Variants in MPP7 observed in about 807,000 individuals in gnomAD.
The protein encoded by MPP7 is MAGUK p55 scaffold protein 7, also known as MAGUK p55 subfamily member 7.
MPP7 carries 60 observed loss-of-function variants against 76.5 expected under a neutral mutation model. That is an observed-to-expected ratio of 0.78 (90% CI 0.64 to 0.97). MPP7 has a LOEUF of 0.97. Among genes scored for constraint, MPP7 ranks in the 50% least tolerant of loss-of-function variants. The pLI is 0.00. For synonymous variants in MPP7, 237 were observed against 244.5 expected (o/e 0.97, Z 0.29); for missense variants, 641 against 694.0 (o/e 0.92, Z 0.86).
chr10:28,306,870 C>T (rs1317870202), upstream of MPP7, among the ~76,000 whole-genome samples: 1 of 152,110 alleles, frequency 6.6e-6, no homozygotes, highest in Non-Finnish European at 1.5e-5. Context: ...GAATTTTTTT[C>T]CATAGCAGGT....
At chr10:28,191,018 A>G (rs757235259) in intron 3 of MPP7, among the ~76,000 whole-genome samples, 1 of 152,170 alleles carries the variant, frequency 6.6e-6, no homozygotes, top group Non-Finnish European at 1.5e-5. Flanking sequence ...TATGCCCTCA[A>G]ATTTGATAAG....
chr10:28,252,462 T>G (rs919805727), intron 1 of MPP7, among the ~76,000 whole-genome samples: 1 of 152,322 alleles, frequency 6.6e-6, no homozygotes, highest in South Asian at 2.1e-4. Flanking sequence ...CCACAGTACA[T>G]AGGCATTTAT....
At chr10:28,334,784 G>T (rs1834501209), upstream of MPP7, among the ~76,000 whole-genome samples, 1 of 152,156 alleles carries the variant, frequency 6.6e-6, no homozygotes, top group Admixed American at 6.5e-5. Flanking sequence ...GGTTTAGGAA[G>T]ACAGACTCAT....
intron 1 of MPP7, among the ~76,000 whole-genome samples, chr10:28,247,106 C>T (rs1472348078): frequency 6.6e-6 from 1 of 152,146 alleles, no homozygotes; most frequent in Non-Finnish European, 1.5e-5. Flanking sequence ...AAATCATTCA[C>T]TCTAAGTATT....
At chr10:28,127,029 G>A (rs565520702) in intron 6 of MPP7, among the ~76,000 whole-genome samples, 1 of 152,284 alleles carries the variant, frequency 6.6e-6, no homozygotes, top group East Asian at 1.9e-4. Flanking sequence ...CTCCAAGTGA[G>A]AACCTCCCAG....
intron 3 of MPP7, among the ~76,000 whole-genome samples, chr10:28,189,458 A>G (rs1294513510): frequency 5.3e-5 from 8 of 151,478 alleles, no homozygotes; most frequent in Admixed American, 2.0e-4. Flanking sequence ...ACTTCCAGCT[A>G]CTTGGGAGGT....
intron 1 of MPP7, among the ~76,000 whole-genome samples, chr10:28,285,246 G>A (rs1396408447): frequency 3.9e-5 from 6 of 152,086 alleles, no homozygotes; most frequent in African/African-American, 1.2e-4. Flanking sequence ...GTGCAATGGC[G>A]CAATCTTGGC....
upstream of MPP7, chr10:28,303,179 C>G (rs2133163252): frequency 7.4e-6 from 1 of 135,434 alleles, no homozygotes; most frequent in Non-Finnish European, 1.6e-5. Flanking sequence ...GCGTCTCAGA[C>G]TTGAAGACGC....
chr10:28,121,384 T>A (rs1834834217), intron 8 of MPP7, among the ~76,000 whole-genome samples: 1 of 151,064 alleles, frequency 6.6e-6, no homozygotes. Flanking sequence ...TACAAATACA[T>A]GATTCAATTA....
intron 1 of MPP7, among the ~76,000 whole-genome samples, 146 bp downstream of exon 1, chr10:28,302,715 G>C (rs1481273099): frequency 6.6e-6 from 1 of 152,020 alleles, no homozygotes; most frequent in African/African-American, 2.4e-5. Context: ...CCCAGGCTGA[G>C]GCGCCTAGAG....
intron 3 of MPP7, among the ~76,000 whole-genome samples, chr10:28,160,793 GC>G (rs1836233176): frequency 6.6e-6 from 1 of 152,132 alleles, no homozygotes; most frequent in Admixed American, 6.5e-5. Context: ...ACTGGTCCAG[GC>G]TTGTGATGTG....
At chr10:28,219,542 C>T (rs1348755565) in intron 2 of MPP7, among the ~76,000 whole-genome samples, 1 of 152,028 alleles carries the variant, frequency 6.6e-6, no homozygotes, top group South Asian at 2.1e-4. Flanking sequence ...AAGCCATAAA[C>T]CTATGTTAAA....
At position 28,161,675 on chromosome 10, in the gene MPP7, G is replaced by A. The variant is rs139597054; in HGVS notation, c.157-11616C>T. ...TACCACCTCAAAGCTAAACATCCTC[G>A]ATTTCTGAAGTCTAAGTGAAAATAT... is the stretch of plus-strand genomic sequence containing the variant. On this transcript the variant is annotated intron_variant, in intron 3 of 16. Coordinates refer to ENST00000683449, the MANE Select transcript of MPP7 (RefSeq NM_001318170.2). Among the ~76,000 whole-genome samples, 505 of 152,070 alleles carry A rather than the reference G, an allele frequency of 3.3e-3. 1 individual carries two copies. Among genetic ancestry groups the A allele is most frequent in the African/African-American group, 0.011 (475 of 41,498 alleles).
chr10:28,055,098 C>T (rs994063435), intron 16 of MPP7, among the ~76,000 whole-genome samples: 1 of 152,140 alleles, frequency 6.6e-6, no homozygotes, highest in Non-Finnish European at 1.5e-5. Flanking sequence ...GAGCCAAATC[C>T]TAAGAATATG....
intron 2 of MPP7, among the ~76,000 whole-genome samples, chr10:28,209,469 C>CAA (rs34583825): frequency 7.3e-5 from 9 of 122,572 alleles, no homozygotes; most frequent in Non-Finnish European, 9.3e-5. Flanking sequence ...ATCCTATCTC[C>CAA]AAAAAAAAAA....
chr10:28,147,644 C>T (rs1835753522), intron 4 of MPP7, 81 bp from the exon 5 acceptor site: 1 of 1,205,130 alleles, frequency 8.3e-7, no homozygotes. Flanking sequence ...GAGAATCTAA[C>T]TTGCTCAAGG....
At position 28,184,805 on chromosome 10, in the gene MPP7, A is replaced by G. The variant is rs563534232; in HGVS notation, c.156+17348T>C. Reference sequence around the variant, plus strand: ...AGATATTATCTTAATATATATTAATATTACATATTAATATATTAAGGTAAA... The same window carrying G: ...AGATATTATCTTAATATATATTAATGTTACATATTAATATATTAAGGTAAA... On this transcript the variant is annotated intron_variant, in intron 3 of 16. Transcript: ENST00000683449. Among the ~76,000 whole-genome samples the G allele has an allele frequency of 5.9e-3, 863 of 145,524 alleles. 5 individuals carry two copies. Among genetic ancestry groups the G allele is most frequent in the African/African-American group, 0.02 (822 of 40,514 alleles).
chr10:28,177,734 G>C (rs1836922965), intron 3 of MPP7, among the ~76,000 whole-genome samples: 1 of 152,158 alleles, frequency 6.6e-6, no homozygotes, highest in Non-Finnish European at 1.5e-5. Flanking sequence ...GAAGACTAGA[G>C]AGTTCAAAAA....
intron 1 of MPP7, among the ~76,000 whole-genome samples, chr10:28,269,934 G>A (rs140970345): frequency 6.6e-6 from 1 of 152,172 alleles, no homozygotes; most frequent in Non-Finnish European, 1.5e-5. Context: ...AGGACAGAAA[G>A]AGACCTGAGT....
Sources: gnomAD v4.1 joint callset for allele counts (sites outside exome capture counted in the v4.1 genomes callset) on GRCh38, gnomAD v4.1.1 for gene constraint, MANE v1.5 for transcripts, NCBI Gene and HGNC (gene_info 2026-07-23, HGNC 2026-07-21) for gene names.